Variants in CDNF observed in about 807,000 individuals in gnomAD.
CDNF encodes the protein cerebral dopamine neurotrophic factor.
Under a neutral mutation model 14.8 loss-of-function variants are expected in CDNF, and 9 were observed. The observed-to-expected ratio is 0.61, with a 90% CI of 0.37 to 1.06. The LOEUF (loss-of-function observed/expected upper bound fraction) is 1.06. CDNF is among the 50% of genes least tolerant of loss of function. The pLI is 0.01. For synonymous variants in CDNF, 86 were observed against 87.2 expected, an observed-to-expected ratio of 0.99 and a Z score of 0.07; for missense variants, 228 against 228.4, an observed-to-expected ratio of 1.00 and a Z score of 0.01.
At chr10:14,832,565 C>T (rs1377561305) in intron 1 of CDNF, among the ~76,000 whole-genome samples, 1 of 152,172 alleles carries the variant, frequency 6.6e-6, no homozygotes, top group African/African-American at 2.4e-5. Flanking sequence ...ACCAGCTGAC[C>T]AGTTTAGAGG....
At chr10:14,828,596 G>A (rs555331861) in intron 1 of CDNF, among the ~76,000 whole-genome samples, 6 of 151,752 alleles carry the variant, frequency 4.0e-5, no homozygotes, top group Non-Finnish European at 7.4e-5. Context: ...GCAGTGAGCC[G>A]AGATCTTACC....
chr10:14,826,086 AAGAAGAAGAAGCAGCAGC>A (rs1233164915), intron 2 of CDNF, among the ~76,000 whole-genome samples: 191 of 136,042 alleles, frequency 1.4e-3, no homozygotes, highest in Middle Eastern at 3.8e-3. Context: ...GAAGAAGAAG[AAGAAGAAGAAGCAGCAGC>A]AGCAGCAGCA....
chr10:14,831,801 C>T (rs1254555263), intron 1 of CDNF, among the ~76,000 whole-genome samples: 1 of 152,126 alleles, frequency 6.6e-6, no homozygotes, highest in Non-Finnish European at 1.5e-5. Context: ...GTCTCGATCT[C>T]CTCACCTGGT....
At chr10:14,826,350 A>AAGCAGCAGAAGCAGAAGAAGAGC (rs1415113332) in intron 2 of CDNF, among the ~76,000 whole-genome samples, 1 of 151,476 alleles carries the variant, frequency 6.6e-6, no homozygotes. Flanking sequence ...GCAGAAGCAG[A>AAGCAGCAGAAGCAGAAGAAGAGC]AGCAGCAGAA....
intron 2 of CDNF, among the ~76,000 whole-genome samples, chr10:14,826,391 C>CAAA (rs1833794150): frequency 7.9e-6 from 1 of 125,968 alleles, no homozygotes; most frequent in East Asian, 2.5e-4. Context: ...GAAGAAGAAG[C>CAAA]AGAAGAAGCA....
chr10:14,829,230 G>A (rs1471155068), intron 1 of CDNF, among the ~76,000 whole-genome samples: 1 of 152,174 alleles, frequency 6.6e-6, no homozygotes, highest in Non-Finnish European at 1.5e-5. Flanking sequence ...CAGCATAATT[G>A]TAAGCACAGA....
In CDNF at chr10:14,828,146, A is replaced by G. The variant is rs1315003297; in HGVS notation, c.242T>C (p.Leu81Pro). 1.2e-6 allele frequency: 2 copies of G among 1,613,748 alleles called. No homozygotes were observed. Among genetic ancestry groups the G allele is most frequent in the Admixed American group, 3.3e-5 (2 of 59,898 alleles). The change falls in exon 2 of 4, where the codon CTG (leucine) becomes CCG (proline). Residue 81 changes from leucine (L) to proline (P), a missense_variant and splice_region_variant. Coordinates refer to ENST00000465530, the MANE Select transcript of CDNF (RefSeq NM_001029954.3). ...CLDTKGKENR[L>P]CYYLGATKDA... Reference sequence around the variant, plus strand: ...AATGAAAGGTGAAATTTACTATACCAGGCGGTTTTCTTTTCCTTTGGTGTC... The same window carrying G: ...AATGAAAGGTGAAATTTACTATACCGGGCGGTTTTCTTTTCCTTTGGTGTC...
chr10:14,832,587 G>A (rs540161825), intron 1 of CDNF, among the ~76,000 whole-genome samples: 96 of 152,332 alleles, frequency 6.3e-4, no homozygotes, highest in Admixed American at 1.1e-3. Context: ...TCTCAAAATA[G>A]TTGCATCTCT....
chr10:14,822,906 TC>T (rs1384767148), intron 3 of CDNF, among the ~76,000 whole-genome samples: 1 of 152,232 alleles, frequency 6.6e-6, no homozygotes, highest in Non-Finnish European at 1.5e-5. Context: ...TGATTCCCTA[TC>T]CTTTTTAAAC....
intron 1 of CDNF, among the ~76,000 whole-genome samples, chr10:14,832,852 C>CTTTTTTTTTTTTTTT (rs918887413): frequency 1.5e-4 from 12 of 80,496 alleles, no homozygotes; most frequent in East Asian, 3.8e-4. Context: ...TCTTTTTTTG[C>CTTTTTTTTTTTTTTT]TTTTTTTTTT....
intron 1 of CDNF, among the ~76,000 whole-genome samples, chr10:14,833,295 G>C (rs182558736): frequency 6.6e-6 from 1 of 152,220 alleles, no homozygotes; most frequent in Admixed American, 6.5e-5. Context: ...ATGTGGGTGG[G>C]CCTTACCTAA....
chr10:14,820,762 A>C (rs1286697209), intron 3 of CDNF, among the ~76,000 whole-genome samples: 1 of 152,124 alleles, frequency 6.6e-6, no homozygotes, highest in African/African-American at 2.4e-5. Flanking sequence ...ACAGTATAAC[A>C]ACTATTTACA....
chr10:14,825,254 C>A (rs551932348), intron 3 of CDNF, among the ~76,000 whole-genome samples: 2 of 152,298 alleles, frequency 1.3e-5, no homozygotes, highest in Admixed American at 6.5e-5. Flanking sequence ...CCGCGCCAGG[C>A]CTCATTGGCA....
At chr10:14,834,530 A>G (rs2131628657) in intron 1 of CDNF, among the ~76,000 whole-genome samples, 1 of 152,160 alleles carries the variant, frequency 6.6e-6, no homozygotes, top group East Asian at 1.9e-4. Context: ...TAGGTGATGA[A>G]AGTTAGGAAT....
At chr10:14,837,776 G>A in intron 1 of CDNF, 56 bp downstream of exon 1, 2 of 1,086,756 alleles carry the variant, frequency 1.8e-6, no homozygotes, top group Non-Finnish European at 1.3e-6. Context: ...AAAGCCGACA[G>A]CTGCTGCGCC....
At chr10:14,821,281 T>C (rs1452282885) in intron 3 of CDNF, among the ~76,000 whole-genome samples, 1 of 152,084 alleles carries the variant, frequency 6.6e-6, no homozygotes, top group Non-Finnish European at 1.5e-5. Flanking sequence ...CCCACCATCA[T>C]GCCCGGCTAA....
intron 1 of CDNF, among the ~76,000 whole-genome samples, chr10:14,830,121 C>T (rs1405750609): frequency 3.3e-5 from 5 of 152,238 alleles, no homozygotes; most frequent in Admixed American, 2.0e-4. Context: ...CTAAGGGCAA[C>T]TAGCCAGGCA....
Position 14,837,842 on chromosome 10 carries a change from G to A in CDNF, c.105C>T (p.Ala35=), listed in dbSNP as rs1030418206. The A allele has an allele frequency of 3.1e-6, 5 of 1,588,046 alleles. 1 individual carries two copies. In the South Asian group the frequency reaches 5.7e-5, roughly 18 times the overall value. ...QGQEAGGRPG[A]DCEVCKEFLN... ...TGTCACACCGCTCACCTTCACAGTC[G>A]GCCCCTGGCCGCCCCCCGGCCTCCT... Residue 35 remains alanine (A), a synonymous_variant, in exon 1 of 4, where the codon GCC becomes GCT. Transcript: ENST00000465530.
chr10:14,819,819 C>T lies in CDNF; in HGVS notation c.*161G>A, dbSNP rs79126744. 4.7e-3 allele frequency: 3,113 copies of T among 668,996 alleles called. 73 individuals carry two copies. The African/African-American group carries it at 0.05, about 11-fold the overall frequency. 41.4% of individuals were successfully genotyped at this position (668,996 alleles called of 1,614,324 possible). A position where few individuals can be genotyped will look rare whatever the true frequency, so the allele number is the denominator to read the frequency against. ...TGTAAGTTATCAGTAGTATTAGTTTCACTCATAAACCCACGTAACAAAATT... is the reference window on the plus strand; with the variant it reads ...TGTAAGTTATCAGTAGTATTAGTTTTACTCATAAACCCACGTAACAAAATT... On this transcript the variant is annotated 3_prime_UTR_variant, in exon 4 of 4. Transcript: ENST00000465530.
Sources: allele counts gnomAD v4.1 joint callset (sites outside exome capture counted in the v4.1 genomes callset), GRCh38; gene constraint gnomAD v4.1.1; transcripts MANE v1.5; gene names NCBI Gene and HGNC (gene_info 2026-07-23, HGNC 2026-07-21).